Variants in PCDHGC3 observed in about 807,000 individuals in gnomAD.
PCDHGC3 encodes protocadherin gamma-C3.
In PCDHGC3, 26 loss-of-function variants were observed where a neutral mutation model predicts 59.2. The observed-to-expected ratio is 0.44, with a 90% CI of 0.32 to 0.61. The LOEUF (loss-of-function observed/expected upper bound fraction) is 0.61, where lower values mean the gene tolerates loss of function less well. Among genes scored for constraint, PCDHGC3 ranks in the 20% least tolerant of loss-of-function variants. The pLI is 0.05. For synonymous variants in PCDHGC3, 487 were observed against 519.7 expected (o/e 0.94, Z 0.86); for missense variants, 1,080 against 1,221.8 (o/e 0.88, Z 1.73).
intron 1 of PCDHGC3, among the ~76,000 whole-genome samples, chr5:141,481,913 CAAAAA>C (rs34114744): frequency 1.1e-5 from 1 of 90,852 alleles, no homozygotes; most frequent in Non-Finnish European, 2.2e-5. Flanking sequence ...AACTCCATCT[CAAAAA>C]AAAAAAAAAA....
intron 2 of PCDHGC3, among the ~76,000 whole-genome samples, chr5:141,499,984 G>A (rs1350203006): frequency 6.6e-6 from 1 of 151,872 alleles, no homozygotes; most frequent in East Asian, 1.9e-4. Context: ...CACCTTGCCC[G>A]GCCAGATGAT....
rs1303712746 is a variant in PCDHGC3 at position 141,512,800 on chromosome 5, C to G, written c.*1627C>G. The G allele has an allele frequency of 1.3e-5, 2 of 152,238 alleles. No homozygotes were observed. Among genetic ancestry groups the G allele is most frequent in the African/African-American group, 4.8e-5 (2 of 41,434 alleles). The allele number at this position is 152,238 out of a possible 1,614,324, so 9.4% of individuals were successfully genotyped here. A position where few individuals can be genotyped will look rare whatever the true frequency, so the allele number is the denominator to read the frequency against. On this transcript the variant is annotated 3_prime_UTR_variant, in exon 4 of 4. Coordinates refer to ENST00000308177, the MANE Select transcript of PCDHGC3 (RefSeq NM_002588.4). Reference sequence around the variant, plus strand: ...GCCCGTGTTGTGTTTTGTGCTGTGTCCACGCGCTAAGGCGACCCCCTCCCC... The same window carrying G: ...GCCCGTGTTGTGTTTTGTGCTGTGTGCACGCGCTAAGGCGACCCCCTCCCC...
Position 141,490,536 on chromosome 5 carries a change from T to C in PCDHGC3, c.2431-4271T>C. ...TGCTGGCCAGCGATGCTGGTTCACCTTCCCTACACAAACATCTCACCATCA... is the reference window on the plus strand; with the variant it reads ...TGCTGGCCAGCGATGCTGGTTCACCCTCCCTACACAAACATCTCACCATCA... On this transcript the variant is annotated intron_variant, in intron 1 of 3. Transcript: ENST00000308177. The surrounding 1 kb of genome is among the most constrained non-coding windows in gnomAD (Gnocchi z 5.4). The C allele has an allele frequency of 1.9e-6, 3 of 1,614,150 alleles. No individual in the cohort carries two copies. The highest frequency in any genetic ancestry group is 2.5e-6 in the Non-Finnish European group (3 of 1,180,010).
In PCDHGC3 at chr5:141,489,335, G is replaced by A. The variant is rs138015049; in HGVS notation, c.2431-5472G>A. The A allele has an allele frequency of 8.2e-5, 132 of 1,607,244 alleles. No individual in the cohort carries two copies. The African/African-American group carries it at 1.5e-3, about 18-fold the overall frequency. On this transcript the variant is annotated intron_variant, in intron 1 of 3. Transcript: ENST00000308177. This position sits in a 1 kb window ranked among gnomAD's most constrained non-coding sequence, Gnocchi z 4.5. ...TGGGGCTGGGTGTCTGGGCAGCTTC[G>A]TTACTCAGTGGTGGAGGAGTCTGAG...
Position 141,485,582 on chromosome 5 carries a change from C to G in PCDHGC3, c.2430+7036C>G. The G allele has an allele frequency of 6.2e-7, 1 of 1,612,374 alleles. No individual in the cohort carries two copies. Among genetic ancestry groups the G allele is most frequent in the South Asian group, 1.1e-5 (1 of 90,956 alleles). On this transcript the variant is annotated intron_variant, in intron 1 of 3. Transcript: ENST00000308177. The surrounding 1 kb of genome is among the most constrained non-coding windows in gnomAD (Gnocchi z 5.7). ...TCACGCCCCCCGTTTTCCGCGGCAG[C>G]AGCTGGACTTGGAAATTGGGGAGGC...
chr5:141,478,394 G>T lies in PCDHGC3; in HGVS notation c.2278G>T (p.Val760Leu), dbSNP rs2099453142. ...GATGTCGCCGCACCTTTACCATCAG[G>T]TGTATCTCACCACGGACTCCCGCCG... ...GLMSPHLYHQVYLTTDSRRSD... is the reference protein window; with the variant it reads ...GLMSPHLYHQLYLTTDSRRSD... The change falls in exon 1 of 4, where the codon GTG (valine) becomes TTG (leucine). Residue 760 changes from valine (V) to leucine (L), a missense_variant. Coordinates refer to ENST00000308177, the MANE Select transcript of PCDHGC3 (RefSeq NM_002588.4). 4 of 1,613,586 alleles carry T rather than the reference G, an allele frequency of 2.5e-6. No individual in the cohort carries two copies. Among genetic ancestry groups the T allele is most frequent in the Non-Finnish European group, 3.4e-6 (4 of 1,180,020 alleles).
At chr5:141,481,812 C>T (rs2099545604) in intron 1 of PCDHGC3, among the ~76,000 whole-genome samples, 2 of 149,798 alleles carry the variant, frequency 1.3e-5, no homozygotes, top group South Asian at 2.1e-4. Context: ...ATTCACCAGG[C>T]GTGGTGGCTG....
rs141958687 is a variant in PCDHGC3 at position 141,509,744 on chromosome 5, G to A, written c.2579-1203G>A. 3.3e-3 allele frequency among the ~76,000 whole-genome samples: 509 copies of A among 152,266 alleles called. 3 individuals are homozygous for A. The highest frequency in any genetic ancestry group is 5.5e-3 in the Non-Finnish European group (372 of 68,024). On this transcript the variant is annotated intron_variant, in intron 3 of 3. Coordinates refer to ENST00000308177, the MANE Select transcript of PCDHGC3 (RefSeq NM_002588.4). ...CACCTAGCTGTGGCACTCTGAGCCT[G>A]TGCCTAAAGTGTCCCTGAGATGTCT...
rs934044974 is a variant in PCDHGC3, at chr5:141,476,034, C to T, written c.-83C>T. 3 of 1,464,488 alleles carry T rather than the reference C, an allele frequency of 2.0e-6. No individual in the cohort carries two copies. The highest frequency in any genetic ancestry group is 2.3e-5 in the Admixed American group (1 of 44,364). The allele number at this position is 1,464,488 out of a possible 1,614,324, so 90.7% of individuals were successfully genotyped here. A position where few individuals can be genotyped will look rare whatever the true frequency, so the allele number is the denominator to read the frequency against. On this transcript the variant is annotated 5_prime_UTR_variant, in exon 1 of 4. Transcript: ENST00000308177. The surrounding 1 kb of genome is among the most constrained non-coding windows in gnomAD (Gnocchi z 7.6). ...CCATGTCGGACTCGGCGCCCAGCGC[C>T]CAAGCGCTAACCCGCTGAAAGTTTC...
rs117623972 is a variant in PCDHGC3 at position 141,503,322 on chromosome 5, C to T, written c.2490-2071C>T. On this transcript the variant is annotated intron_variant, in intron 2 of 3. Transcript: ENST00000308177. Reference sequence around the variant, plus strand: ...GCTCAAGAAAGAATTGTTGGAGGGGCGCGGTGGCTCACGCCTGTAATTCCA... The same window carrying T: ...GCTCAAGAAAGAATTGTTGGAGGGGTGCGGTGGCTCACGCCTGTAATTCCA... Among the ~76,000 whole-genome samples, 216 of 152,126 alleles carry T rather than the reference C, an allele frequency of 1.4e-3. 8 individuals carry two copies. In the East Asian group the frequency reaches 0.038, roughly 27 times the overall value.
chr5:141,478,442 C>T lies in PCDHGC3; in HGVS notation c.2326C>T (p.Pro776Ser). ...CCGCAGCGACCCGCTGCTGAAGAAA[C>T]CTGGTGCAGCCAGTCCACTGGCCAG... Reference protein sequence around the residue: ...SRRSDPLLKKPGAASPLASRQ... With the variant: ...SRRSDPLLKKSGAASPLASRQ... The change falls in exon 1 of 4, where the codon CCT becomes TCT. Residue 776 changes from proline (P) to serine (S), a missense_variant. Transcript: ENST00000308177. 1 of 1,613,608 alleles carries T rather than the reference C, an allele frequency of 6.2e-7. No homozygotes were observed. The highest frequency in any genetic ancestry group is 8.5e-7 in the Non-Finnish European group (1 of 1,179,958).
rs770619389 is a variant in PCDHGC3 at position 141,490,764 on chromosome 5, T to C, written c.2431-4043T>C. On this transcript the variant is annotated intron_variant, in intron 1 of 3. Coordinates refer to ENST00000308177, the MANE Select transcript of PCDHGC3 (RefSeq NM_002588.4). The surrounding 1 kb of genome is among the most constrained non-coding windows in gnomAD (Gnocchi z 5.4). ...GAGCCCCAGCCTCCTCCTTTGTGTA[T>C]GTCAACCCAGAGGATGGACGGATCT... is the stretch of plus-strand genomic sequence containing the variant. 22 of 1,613,970 alleles carry C rather than the reference T, an allele frequency of 1.4e-5. No individual in the cohort carries two copies. Among genetic ancestry groups the C allele is most frequent in the Non-Finnish European group, 1.6e-5 (19 of 1,179,928 alleles).
chr5:141,494,812 C>G lies in PCDHGC3; in HGVS notation c.2436C>G (p.Ala812=). The part of the protein sequence containing the change: ...GAESAPPGQQ[A]PPNTDWRFSQ... ...TCCCTCTGTTTTCTCCACAGCAAGCCCCGCCCAACACGGACTGGCGTTTCT... is the reference window on the plus strand; with the variant it reads ...TCCCTCTGTTTTCTCCACAGCAAGCGCCGCCCAACACGGACTGGCGTTTCT... The change falls in exon 2 of 4, where the codon GCC becomes GCG. Residue 812 remains alanine, a synonymous_variant. Coordinates refer to ENST00000308177, the MANE Select transcript of PCDHGC3 (RefSeq NM_002588.4). 4 of 1,614,146 alleles carry G rather than the reference C, an allele frequency of 2.5e-6. No homozygotes were observed. The highest frequency in any genetic ancestry group is 3.4e-6 in the Non-Finnish European group (4 of 1,180,016).
chr5:141,490,396 A>G lies in PCDHGC3; in HGVS notation c.2431-4411A>G. ...GGACTCAGGTAGAAATGGTGAAGTGAGCCTTGATATCTCTCCGGACCTGCC... is the reference window on the plus strand; with the variant it reads ...GGACTCAGGTAGAAATGGTGAAGTGGGCCTTGATATCTCTCCGGACCTGCC... On this transcript the variant is annotated intron_variant, in intron 1 of 3. Coordinates refer to ENST00000308177, the MANE Select transcript of PCDHGC3 (RefSeq NM_002588.4). The surrounding 1 kb of genome is among the most constrained non-coding windows in gnomAD (Gnocchi z 5.4). 1 of 1,614,146 alleles carries G rather than the reference A, an allele frequency of 6.2e-7. No homozygotes were observed. The highest frequency in any genetic ancestry group is 8.5e-7 in the Non-Finnish European group (1 of 1,180,030).
chr5:141,509,027 A>G (rs1409179803), intron 3 of PCDHGC3, among the ~76,000 whole-genome samples: 1 of 151,700 alleles, frequency 6.6e-6, no homozygotes, highest in Non-Finnish European at 1.5e-5. Flanking sequence ...GCTCCCTCCC[A>G]CTCAACCCCT....
Position 141,489,087 on chromosome 5 carries a change from TGA to T in PCDHGC3, c.2431-5719_2431-5718del. The T allele has an allele frequency of 4.6e-6, 1 of 216,098 alleles. No individual in the cohort carries two copies. 13.4% of individuals were successfully genotyped at this position (216,098 alleles called of 1,614,324 possible). ...CCCCCTGCCCACCCCCGCCACTCGGTGACTAAGAACTGCTGCAAGCAGGCAAA... is the reference window on the plus strand; with the variant it reads ...CCCCCTGCCCACCCCCGCCACTCGGTCTAAGAACTGCTGCAAGCAGGCAAA... On this transcript the variant is annotated intron_variant, in intron 1 of 3. Transcript: ENST00000308177. The surrounding 1 kb of genome is among the most constrained non-coding windows in gnomAD (Gnocchi z 4.5).
In PCDHGC3 at chr5:141,487,460, G is replaced by T; in HGVS notation, c.2431-7347G>T. ...AGGGTCAGATGACCCTATCAAGTTT[G>T]TTGATGTGGGAGGCCACTCTCATGG... On this transcript the variant is annotated intron_variant, in intron 1 of 3. Transcript: ENST00000308177. The surrounding 1 kb of genome is among the most constrained non-coding windows in gnomAD (Gnocchi z 5.0). 1 of 1,614,170 alleles carries T rather than the reference G, an allele frequency of 6.2e-7. No individual in the cohort carries two copies. Among genetic ancestry groups the T allele is most frequent in the Non-Finnish European group, 8.5e-7 (1 of 1,180,024 alleles).
chr5:141,483,530 GC>G (rs1384645281), intron 1 of PCDHGC3, among the ~76,000 whole-genome samples: 2 of 152,158 alleles, frequency 1.3e-5, no homozygotes, highest in African/African-American at 4.8e-5. Flanking sequence ...GACTAAGGAA[GC>G]TGGGTGGTTG....
intron 1 of PCDHGC3, among the ~76,000 whole-genome samples, chr5:141,483,644 G>A (rs2099584188): frequency 6.8e-6 from 1 of 146,522 alleles, no homozygotes; most frequent in African/African-American, 2.7e-5. Context: ...AGAGGGGTGT[G>A]TGTTTGTGTG....
Sources: gnomAD v4.1 joint callset for allele counts (sites outside exome capture counted in the v4.1 genomes callset) on GRCh38, gnomAD v4.1.1 for gene constraint, Gnocchi (gnomAD v3.1) non-coding constraint, MANE v1.5 for transcripts, NCBI Gene and HGNC (gene_info 2026-07-23, HGNC 2026-07-21) for gene names.